PLXNA1: variants seen among roughly 807,000 people sequenced by gnomAD.
PLXNA1 encodes the protein plexin-A1.
PLXNA1 carries 77 observed loss-of-function variants against 191.7 expected under a neutral mutation model. The observed-to-expected ratio is 0.40, with a 90% CI of 0.33 to 0.49. The LOEUF is 0.49. Ranked by LOEUF, PLXNA1 falls within the 20% of genes least tolerant of loss-of-function variation. PLXNA1 has a pLI of 0.63. For missense variants in PLXNA1, 2,110 were observed against 2,660.2 expected (o/e 0.79, Z 4.55); for synonymous variants, 1,137 against 1,156.4 (o/e 0.98, Z 0.34).
intron 1 of PLXNA1, among the ~76,000 whole-genome samples, chr3:126,986,446 G>T (rs933354422): frequency 6.6e-6 from 1 of 152,248 alleles, no homozygotes; most frequent in Non-Finnish European, 1.5e-5. Context: ...CACCTGAGCA[G>T]TGGGTGTGTG....
At position 126,991,450 on chromosome 3, in the gene PLXNA1, A is replaced by G. The variant is rs758243312; in HGVS notation, c.1261A>G (p.Ile421Val). The change falls in exon 3 of 32, where the codon ATT becomes GTT. Residue 421 changes from isoleucine to valine, a missense_variant. This residue lies in a region of PLXNA1 where 903 missense variants were observed against 1,015.7 expected (regional missense o/e 0.89). Transcript: ENST00000393409. ...FNQPLGGTVT[I>V]EGTPLFVDKD... ...CCAGCCCCTGGGGGGCACAGTCACC[A>G]TTGAGGGGACGCCCCTGTTCGTGGA... is the stretch of plus-strand genomic sequence containing the variant. 5.0e-6 allele frequency: 8 copies of G among 1,612,876 alleles called. No homozygotes were observed. The highest frequency in any genetic ancestry group is 5.9e-6 in the Non-Finnish European group (7 of 1,179,896).
intron 16 of PLXNA1, 127 bp from the exon 17 acceptor site, chr3:127,016,817 C>A: frequency 7.2e-7 from 1 of 1,385,450 alleles, no homozygotes; most frequent in Non-Finnish European, 1.0e-6. Context: ...CACCCCTTGC[C>A]AAGAGCTTTT....
rs377038275 is a variant in PLXNA1 at position 127,030,317 on chromosome 3, G to A, written c.5136G>A (p.Pro1712=). 3.9e-4 allele frequency: 629 copies of A among 1,613,986 alleles called. 1 individual carries two copies. Among genetic ancestry groups the A allele is most frequent in the Non-Finnish European group, 5.0e-4 (592 of 1,180,016 alleles). Residue 1712 remains proline (P), a synonymous_variant, in exon 29 of 32, where the codon CCG becomes CCA. Coordinates refer to ENST00000393409, the MANE Select transcript of PLXNA1 (RefSeq NM_032242.4). The part of the protein sequence containing the change: ...FSTAHRGSAL[P]LAIKYMFDFL... ...CGGCACACCGGGGCTCAGCCCTGCCGCTGGCCATCAAGTACATGTTCGACT... is the reference window on the plus strand; with the variant it reads ...CGGCACACCGGGGCTCAGCCCTGCCACTGGCCATCAAGTACATGTTCGACT...
rs2079154812 is a variant in PLXNA1 at position 127,022,197 on chromosome 3, G to A, written c.4151G>A (p.Arg1384His). 3.7e-6 allele frequency: 6 copies of A among 1,613,418 alleles called. No homozygotes were observed. The highest frequency in any genetic ancestry group is 4.5e-5 in the East Asian group (2 of 44,880). ...GAGGCACAGCGCAGCTTCTCCATGC[G>A]CGACCGCGGGAATGTGGCCTCGCTC... Reference protein sequence around the residue: ...TLEAQRSFSMRDRGNVASLIM... With the variant: ...TLEAQRSFSMHDRGNVASLIM... Residue 1384 changes from arginine to histidine, a missense_variant, in exon 22 of 32, where the codon CGC (arginine) becomes CAC (histidine). Transcript: ENST00000393409.
chr3:127,029,154 C>G, intron 26 of PLXNA1, 58 bp downstream of exon 26: 3 of 1,331,108 alleles, frequency 2.3e-6, no homozygotes, highest in Non-Finnish European at 2.1e-6. Flanking sequence ...GCTTCCACAG[C>G]GCAGCCACCA....
chr3:127,014,902 C>T (rs2079115255), intron 14 of PLXNA1, 71 bp downstream of exon 14: 12 of 1,559,926 alleles, frequency 7.7e-6, no homozygotes, highest in African/African-American at 1.4e-5. Context: ...GGCTTCTGTG[C>T]CTCTTCAGGG....
At chr3:127,032,143 C>T (rs1447677783) in intron 29 of PLXNA1, among the ~76,000 whole-genome samples, 5 of 152,232 alleles carry the variant, frequency 3.3e-5, no homozygotes, top group African/African-American at 9.6e-5. Flanking sequence ...CAAACGAGTG[C>T]GTTTGAGCAC....
rs771284172 is a variant in PLXNA1 at position 127,016,571 on chromosome 3, C to T, written c.3069C>T (p.Ser1023=). 17 of 1,613,768 alleles carry T rather than the reference C, an allele frequency of 1.1e-5. No individual in the cohort carries two copies. The highest frequency in any genetic ancestry group is 1.3e-5 in the African/African-American group (1 of 74,924). The change falls in exon 16 of 32, where the codon AGC becomes AGT. Residue 1023 remains serine, a synonymous_variant. Coordinates refer to ENST00000393409, the MANE Select transcript of PLXNA1 (RefSeq NM_032242.4). ...CLTPPGQSPG[S]APIIININRA... is the part of the protein sequence containing the mutation. ...CACCCCCCGGGCAGAGCCCTGGCAG[C>T]GCTCCCATCATCATCAACATCAACC...
At chr3:127,028,363 GC>G (rs758626689) in intron 25 of PLXNA1, 23 bp downstream of exon 25, 82 of 1,600,338 alleles carry the variant, frequency 5.1e-5, no homozygotes, top group Non-Finnish European at 6.7e-5. Flanking sequence ...GGCCACGGCT[GC>G]CCGGGGTGTG....
At chr3:126,996,707 A>T (rs2079016376) in intron 3 of PLXNA1, among the ~76,000 whole-genome samples, 1 of 152,156 alleles carries the variant, frequency 6.6e-6, no homozygotes, top group African/African-American at 2.4e-5. Flanking sequence ...ATTGAGTTTC[A>T]TCTTGTGTGT....
At chr3:127,007,970 A>T in intron 9 of PLXNA1, 57 bp downstream of exon 9, 2 of 1,199,548 alleles carry the variant, frequency 1.7e-6, no homozygotes, top group Non-Finnish European at 2.4e-6. Context: ...AACTGGGTTG[A>T]GACATCCCAT....
chr3:126,990,589 G>A (rs1261119214), intron 2 of PLXNA1, among the ~76,000 whole-genome samples: 3 of 152,224 alleles, frequency 2.0e-5, no homozygotes, highest in Non-Finnish European at 2.9e-5. Flanking sequence ...TGCTGCTGGG[G>A]GTCGCTGGCC....
intron 3 of PLXNA1, among the ~76,000 whole-genome samples, chr3:127,001,311 C>T (rs550455339): frequency 2.2e-4 from 34 of 152,302 alleles, no homozygotes; most frequent in African/African-American, 6.7e-4. Context: ...GGTCAGGCTC[C>T]GGCATCATGT....
At chr3:127,001,480 G>C (rs1393585030) in intron 3 of PLXNA1, among the ~76,000 whole-genome samples, 2 of 152,232 alleles carry the variant, frequency 1.3e-5, no homozygotes, top group Non-Finnish European at 2.9e-5. Context: ...GTAGGGGAGG[G>C]GGAGCTGGGG....
chr3:127,022,429 TGTGGCA>T (rs1259765535), intron 22 of PLXNA1, 88 bp downstream of exon 22: 3 of 1,508,066 alleles, frequency 2.0e-6, no homozygotes, highest in Non-Finnish European at 2.7e-6. Context: ...GAGACGTTGC[TGTGGCA>T]GTTCCCACCG....
chr3:127,030,111 G>A (rs1369317905), intron 28 of PLXNA1, 47 bp downstream of exon 28: 1 of 1,600,186 alleles, frequency 6.2e-7, no homozygotes, highest in Non-Finnish European at 8.5e-7. Flanking sequence ...GGCCAACTGA[G>A]CTCAGAGAAA....
At chr3:127,031,759 C>T (rs77093863) in intron 29 of PLXNA1, 6,075 of 152,884 alleles carry the variant, frequency 0.04, 213 homozygotes, top group African/African-American at 0.09. Flanking sequence ...CCTCCAGGGA[C>T]GCAGTGTCTC....
At chr3:126,984,801 G>A (rs1413189691) in intron 1 of PLXNA1, among the ~76,000 whole-genome samples, 2 of 152,190 alleles carry the variant, frequency 1.3e-5, no homozygotes, top group African/African-American at 4.8e-5. Context: ...CCTGTTTTGA[G>A]CCCCCAGGAA....
At chr3:127,030,552 C>A (rs977498154) in intron 29 of PLXNA1, 140 bp downstream of exon 29, 2 of 1,045,066 alleles carry the variant, frequency 1.9e-6, no homozygotes, top group Non-Finnish European at 2.8e-6. Context: ...GCATGGCGGG[C>A]CAGTCCTGTG....
Sources: gnomAD v4.1 joint callset for allele counts (sites outside exome capture counted in the v4.1 genomes callset) on GRCh38, gnomAD v4.1.1 for gene constraint, gnomAD v4.1.1 regional missense constraint, MANE v1.5 for transcripts, NCBI Gene and HGNC (gene_info 2026-07-23, HGNC 2026-07-21) for gene names.